The following ZBTB38 variants were observed in gnomAD, a reference collection of about 807,000 sequenced individuals.
ZBTB38 encodes the protein zinc finger and BTB domain-containing protein 38.
In ZBTB38, 20 loss-of-function variants were observed where a neutral mutation model predicts 76.8. The observed-to-expected ratio is 0.26, with a 90% CI of 0.18 to 0.38. The LOEUF (loss-of-function observed/expected upper bound fraction) is 0.38. ZBTB38 is among the 10% of genes least tolerant of loss of function. The pLI, the probability that ZBTB38 is intolerant of heterozygous loss-of-function variation, is 1.00. For synonymous variants in ZBTB38, 504 were observed against 544.2 expected (o/e 0.93, Z 1.03); for missense variants, 1,082 against 1,482.3 (o/e 0.73, Z 4.43).
intron 1 of ZBTB38, among the ~76,000 whole-genome samples, chr3:141,337,661 A>AACC (rs1559912049): frequency 3.3e-5 from 5 of 152,190 alleles, no homozygotes; most frequent in Non-Finnish European, 5.9e-5. Context: ...AGGTTTGATG[A>AACC]TCCCCTTTGT....
At chr3:141,388,757 T>C (rs1004990873) in intron 4 of ZBTB38, 1 of 152,218 alleles carries the variant, frequency 6.6e-6, no homozygotes, top group Non-Finnish European at 1.5e-5. Flanking sequence ...TGGTTTTAGA[T>C]GGTTTTTAAT....
At chr3:141,402,103 T>C (rs891004667) in intron 4 of ZBTB38, among the ~76,000 whole-genome samples, 1 of 152,186 alleles carries the variant, frequency 6.6e-6, no homozygotes, top group Non-Finnish European at 1.5e-5. Flanking sequence ...GTGTCCTCCC[T>C]GAGGAGGCTG....
At chr3:141,365,243 T>C (rs1943932498), upstream of ZBTB38, among the ~76,000 whole-genome samples, 1 of 152,242 alleles carries the variant, frequency 6.6e-6, no homozygotes, top group African/African-American at 2.4e-5. Context: ...TTCTATGCCT[T>C]AGTTCATTTG....
intron 5 of ZBTB38, among the ~76,000 whole-genome samples, chr3:141,439,734 T>A (rs2079662250): frequency 6.6e-6 from 1 of 152,368 alleles, no homozygotes; most frequent in African/African-American, 2.4e-5. Context: ...ATAGATGATG[T>A]CAGCATAGAC....
intron 5 of ZBTB38, among the ~76,000 whole-genome samples, chr3:141,439,470 C>T (rs2079593268): frequency 6.6e-6 from 1 of 152,130 alleles, no homozygotes; most frequent in Non-Finnish European, 1.5e-5. Flanking sequence ...AGTATGACTA[C>T]AATATTATTC....
chr3:141,357,287 A>G lies in ZBTB38; in HGVS notation c.-738-11334A>G, dbSNP rs139421606. ...TGTTTGTTCTATTAGCACTGATATT[A>G]ATCCTTTATTATTCTCCTGAAAATA... On this transcript the variant is annotated intron_variant, in intron 1 of 7. Coordinates refer to the ZBTB38 transcript ENST00000509842. Among the ~76,000 whole-genome samples the G allele has an allele frequency of 2.4e-3, 372 of 152,066 alleles. 1 individual carries two copies. Among genetic ancestry groups the G allele is most frequent in the Admixed American group, 6.4e-3 (98 of 15,282 alleles).
intron 5 of ZBTB38, among the ~76,000 whole-genome samples, chr3:141,426,770 A>G (rs2076476848): frequency 6.6e-6 from 1 of 152,238 alleles, no homozygotes; most frequent in South Asian, 2.1e-4. Flanking sequence ...TGGACTTTGA[A>G]CAAAGCATGT....
intron 1 of ZBTB38, among the ~76,000 whole-genome samples, chr3:141,344,621 G>A (rs567468651): frequency 6.6e-6 from 1 of 152,222 alleles, no homozygotes; most frequent in South Asian, 2.1e-4. Context: ...TGATCCTCCT[G>A]CCTTGGCCTC....
At chr3:141,373,504 G>T (rs889502087) in intron 2 of ZBTB38, among the ~76,000 whole-genome samples, 27 of 152,150 alleles carry the variant, frequency 1.8e-4, no homozygotes, top group African/African-American at 6.3e-4. Flanking sequence ...CTCCCCATGG[G>T]TCAGCATCAT....
At chr3:141,431,323 C>CAAAAAAAAAA (rs71976494) in intron 5 of ZBTB38, among the ~76,000 whole-genome samples, 6 of 101,406 alleles carry the variant, frequency 5.9e-5, no homozygotes, top group East Asian at 4.6e-4. Context: ...GACTTCGTCT[C>CAAAAAAAAAA]AAAAAAAAAA....
chr3:141,347,045 A>G (rs570854569), intron 1 of ZBTB38, among the ~76,000 whole-genome samples: 2 of 152,342 alleles, frequency 1.3e-5, no homozygotes, highest in East Asian at 3.9e-4. Context: ...TTCAGAATGC[A>G]CTGCTTTTAT....
intron 4 of ZBTB38, among the ~76,000 whole-genome samples, chr3:141,396,037 G>A (rs1283232191): frequency 1.3e-5 from 2 of 152,200 alleles, no homozygotes; most frequent in African/African-American, 4.8e-5. Flanking sequence ...TTGTGTTGCT[G>A]AAGGTTGGGG....
intron 3 of ZBTB38, 43 bp downstream of exon 3, chr3:141,381,530 G>A (rs551037305): frequency 6.6e-6 from 1 of 152,358 alleles, no homozygotes; most frequent in South Asian, 2.1e-4. Flanking sequence ...GCTAATGGAT[G>A]GACGTGAGGA....
In ZBTB38 at chr3:141,445,243, G is replaced by A; in HGVS notation, c.2855G>A (p.Cys952Tyr). ...EHGNRSPSHK[C>Y]KYPAELDCAV... is the part of the protein sequence containing the mutation. ...GGAAACAGGAGCCCGAGCCATAAATGTAAATACCCAGCAGAACTGGATTGC... is the reference window on the plus strand; with the variant it reads ...GGAAACAGGAGCCCGAGCCATAAATATAAATACCCAGCAGAACTGGATTGC... Residue 952 changes from cysteine to tyrosine, a missense_variant, in exon 6 of 6, where the codon TGT (cysteine) becomes TAT (tyrosine). Cys to Tyr is a radical substitution (Grantham distance 194). Transcript: ENST00000321464. The surrounding 1 kb of genome is among the most constrained non-coding windows in gnomAD (Gnocchi z 6.5). 6.2e-7 allele frequency: 1 copy of A among 1,614,204 alleles called. No individual in the cohort carries two copies. Among genetic ancestry groups the A allele is most frequent in the African/African-American group, 1.3e-5 (1 of 75,056 alleles).
At chr3:141,348,564 G>A (rs776413000) in intron 1 of ZBTB38, among the ~76,000 whole-genome samples, 1 of 152,134 alleles carries the variant, frequency 6.6e-6, no homozygotes, top group Non-Finnish European at 1.5e-5. Context: ...GTAGAATATC[G>A]TCAAAGGGCC....
At chr3:141,408,714 C>T (rs1354083364) in intron 5 of ZBTB38, among the ~76,000 whole-genome samples, 1 of 152,112 alleles carries the variant, frequency 6.6e-6, no homozygotes, top group Non-Finnish European at 1.5e-5. Flanking sequence ...TTTATGTTCT[C>T]TATACATAGT....
intron 5 of ZBTB38, among the ~76,000 whole-genome samples, chr3:141,440,609 C>G (rs942225076): frequency 1.3e-5 from 2 of 152,188 alleles, no homozygotes; most frequent in Admixed American, 1.3e-4. Context: ...CTGGATGAAT[C>G]TCTGGTTAGT....
chr3:141,369,328 G>A (rs1944204759), intron 1 of ZBTB38, among the ~76,000 whole-genome samples: 1 of 152,184 alleles, frequency 6.6e-6, no homozygotes, highest in Non-Finnish European at 1.5e-5. Context: ...GTTTCTGATT[G>A]TTCTGTGTAT....
In ZBTB38 at chr3:141,448,286, G is replaced by A. The variant is rs529497387; in HGVS notation, c.*2310G>A. 2.6e-5 allele frequency: 4 copies of A among 152,568 alleles called. No homozygotes were observed. The highest frequency in any genetic ancestry group is 1.3e-4 in the Admixed American group (2 of 15,276). 9.5% of individuals were successfully genotyped at this position (152,568 alleles called of 1,614,324 possible). Reference sequence around the variant, plus strand: ...TATTTATACATGAAAAAATAATTTTGCAAATATTTTCTATAATTGTATTCA... The same window carrying A: ...TATTTATACATGAAAAAATAATTTTACAAATATTTTCTATAATTGTATTCA... On this transcript the variant is annotated 3_prime_UTR_variant, in exon 6 of 6. Transcript: ENST00000321464.
Sources: allele counts gnomAD v4.1 joint callset (sites outside exome capture counted in the v4.1 genomes callset), GRCh38; gene constraint gnomAD v4.1.1; non-coding constraint Gnocchi (gnomAD v3.1); transcripts MANE v1.5; gene names NCBI Gene and HGNC (gene_info 2026-07-23, HGNC 2026-07-21).